The following SEC63 variants were observed in gnomAD, a reference collection of about 807,000 sequenced individuals.
SEC63 encodes SEC63 protein translocation regulator.
In SEC63, 56 loss-of-function variants were observed where a neutral mutation model predicts 116.2. That is an observed-to-expected ratio of 0.48 (90% CI 0.39 to 0.60). SEC63 has a LOEUF of 0.60. Ranked by LOEUF, SEC63 falls within the 20% of genes least tolerant of loss-of-function variation. The probability of loss-of-function intolerance (pLI) is 0.00; values close to 1 mark genes in which losing one functional copy is unlikely to be tolerated. For missense variants in SEC63, 668 were observed against 900.0 expected (o/e 0.74, Z 3.30); for synonymous variants, 273 against 294.6 (o/e 0.93, Z 0.75).
chr6:107,943,810 T>A (rs2114510145), intron 1 of SEC63, among the ~76,000 whole-genome samples: 1 of 152,304 alleles, frequency 6.6e-6, no homozygotes, highest in Non-Finnish European at 1.5e-5. Context: ...AACAGCAAAG[T>A]GATCAAAGAG....
At chr6:107,876,688 AAG>A in intron 18 of SEC63, 26 bp from the exon 19 acceptor site, 3 of 1,411,986 alleles carry the variant, frequency 2.1e-6, no homozygotes, top group Admixed American at 1.7e-5. Flanking sequence ...AAAAAAAAAA[AAG>A]AAGAGGGGTA....
intron 4 of SEC63, among the ~76,000 whole-genome samples, chr6:107,918,478 T>C (rs1180125146): frequency 6.6e-6 from 1 of 152,124 alleles, no homozygotes. Flanking sequence ...GCAGATCACC[T>C]GAGGTCAGGA....
chr6:107,902,733 T>C lies in SEC63; in HGVS notation c.1209+111A>G, dbSNP rs1021328087. 4.9e-6 allele frequency: 5 copies of C among 1,015,486 alleles called. No homozygotes were observed. In the East Asian group the frequency reaches 7.1e-5, roughly 14 times the overall value. The allele number at this position is 1,015,486 out of a possible 1,614,324, so 62.9% of individuals were successfully genotyped here. A position where few individuals can be genotyped will look rare whatever the true frequency, so the allele number is the denominator to read the frequency against. ...AGAAAGTTTTAGAGTATTTAAGACA[T>C]TCTAAATCTAAAAAATGCATAGTAA... On this transcript the variant is annotated intron_variant, in intron 12 of 20. Transcript: ENST00000369002.
chr6:107,888,129 G>A (rs1281383539), intron 16 of SEC63, among the ~76,000 whole-genome samples: 2 of 152,282 alleles, frequency 1.3e-5, no homozygotes, highest in Middle Eastern at 3.4e-3. Context: ...ATTCTGTGAA[G>A]AAAGTCAATG....
chr6:107,909,020 G>C lies in SEC63; in HGVS notation c.640C>G (p.Arg214Gly). The C allele has an allele frequency of 6.2e-7, 1 of 1,610,690 alleles. No homozygotes were observed. The highest frequency in any genetic ancestry group is 8.5e-7 in the Non-Finnish European group (1 of 1,177,372). Reference protein sequence around the residue: ...LPVVVGSWWYRSIRYSGDQIL... With the variant: ...LPVVVGSWWYGSIRYSGDQIL... ...TGGTCTCCACTATAGCGTATTGAGCGATACCACCAAGAGCCCTAAAACACA... is the reference window on the plus strand; with the variant it reads ...TGGTCTCCACTATAGCGTATTGAGCCATACCACCAAGAGCCCTAAAACACA... The change falls in exon 8 of 21, where the codon CGC (arginine) becomes GGC (glycine). Residue 214 changes from arginine to glycine, a missense_variant. By Grantham distance (125) the Arg-to-Gly change is moderately radical (BLOSUM62 -2). Around this residue, in one of 5 missense-constraint regions of SEC63, gnomAD observed 430 missense variants for 557.5 expected, o/e 0.77. Coordinates refer to ENST00000369002, the MANE Select transcript of SEC63 (RefSeq NM_007214.5).
intron 1 of SEC63, among the ~76,000 whole-genome samples, chr6:107,940,163 T>A (rs1239668366): frequency 6.6e-6 from 1 of 151,472 alleles, no homozygotes; most frequent in Non-Finnish European, 1.5e-5. Context: ...AGAAGGCAAC[T>A]GAAAATGTTC....
At chr6:107,945,506 A>C (rs1326536339) in intron 1 of SEC63, among the ~76,000 whole-genome samples, 1 of 151,628 alleles carries the variant, frequency 6.6e-6, no homozygotes, top group Non-Finnish European at 1.5e-5. Flanking sequence ...GGGGCTCACT[A>C]TGTTGGCCAG....
intron 3 of SEC63, among the ~76,000 whole-genome samples, chr6:107,922,807 G>C (rs569252290): frequency 6.6e-6 from 1 of 150,796 alleles, no homozygotes; most frequent in South Asian, 2.1e-4. Context: ...CAGAAAACTA[G>C]ATGATACACA....
At chr6:107,892,378 T>C (rs1786703744) in intron 16 of SEC63, among the ~76,000 whole-genome samples, 1 of 152,204 alleles carries the variant, frequency 6.6e-6, no homozygotes, top group African/African-American at 2.4e-5. Flanking sequence ...AAGTGGTTCG[T>C]ATCCCCTACC....
intron 19 of SEC63, among the ~76,000 whole-genome samples, chr6:107,874,595 C>CAAAAAAAA (rs35096526): frequency 1.5e-5 from 1 of 64,598 alleles, no homozygotes; most frequent in African/African-American, 6.2e-5. Flanking sequence ...GACTCTGTCT[C>CAAAAAAAA]AAAAAAAAAA....
chr6:107,917,873 A>ACC (rs1787448224), intron 4 of SEC63, among the ~76,000 whole-genome samples: 2 of 152,240 alleles, frequency 1.3e-5, no homozygotes, highest in Non-Finnish European at 2.9e-5. Flanking sequence ...GCTGATTTGG[A>ACC]AGCTGCAGCA....
rs542731884 is a variant in SEC63, at chr6:107,869,565, G to A, written c.*2139C>T. On this transcript the variant is annotated 3_prime_UTR_variant, in exon 21 of 21. Transcript: ENST00000369002. ...GATAGTTTGTTATTCTCATTCCAGA[G>A]GAAAAACGAAGGGATGTGGAGTTTA... 4 of 152,168 alleles carry A rather than the reference G, an allele frequency of 2.6e-5. No individual in the cohort carries two copies. The highest frequency in any genetic ancestry group is 4.4e-5 in the Non-Finnish European group (3 of 67,998). The allele number at this position is 152,168 out of a possible 1,614,324, so 9.4% of individuals were successfully genotyped here.
At chr6:107,901,254 A>C in intron 13 of SEC63, 116 bp downstream of exon 13, 1 of 1,040,288 alleles carries the variant, frequency 9.6e-7, no homozygotes, top group Non-Finnish European at 1.5e-6. Context: ...CAGTTCTGCA[A>C]AGTCTAATAA....
chr6:107,904,759 A>G (rs1321449136), intron 10 of SEC63, 38 bp from the exon 11 acceptor site: 3 of 1,440,844 alleles, frequency 2.1e-6, no homozygotes, highest in Non-Finnish European at 2.9e-6. Context: ...GATCATTTTA[A>G]TTTTACAGTT....
In SEC63 at chr6:107,941,371, T is replaced by C. The variant is rs183564300; in HGVS notation, c.125-11857A>G. 4.2e-3 allele frequency among the ~76,000 whole-genome samples: 631 copies of C among 152,034 alleles called. 15 individuals carry two copies. Among genetic ancestry groups the C allele is most frequent in the Admixed American group, 0.035 (540 of 15,258 alleles). ...CACACACACCCATAGTCCAGCTACA[T>C]AGTCCTACTACTTAGAAGCTTCCTC... On this transcript the variant is annotated intron_variant, in intron 1 of 20. Transcript: ENST00000369002.
intron 1 of SEC63, among the ~76,000 whole-genome samples, chr6:107,953,919 G>A (rs1226267102): frequency 6.6e-6 from 1 of 152,018 alleles, no homozygotes; most frequent in African/African-American, 2.4e-5. Flanking sequence ...GCCCCTACTG[G>A]GACGTGAGGA....
chr6:107,871,870 G>C (rs1383893071), intron 20 of SEC63, 23 bp from the exon 21 acceptor site: 1 of 1,612,010 alleles, frequency 6.2e-7, no homozygotes, highest in Admixed American at 1.7e-5. Context: ...ATTAAATGTA[G>C]ACATCAGAAA....
At position 107,870,000 on chromosome 6, in the gene SEC63, G is replaced by C. The variant is rs1242164173; in HGVS notation, c.*1704C>G. 1 of 151,932 alleles carries C rather than the reference G, an allele frequency of 6.6e-6. No homozygotes were observed. The highest frequency in any genetic ancestry group is 2.4e-5 in the African/African-American group (1 of 41,278). 9.4% of individuals were successfully genotyped at this position (151,932 alleles called of 1,614,324 possible). A position where few individuals can be genotyped will look rare whatever the true frequency, so the allele number is the denominator to read the frequency against. ...TTGTCTGCTCAGTTTCCTTGCCTTC[G>C]TGCCACACCTGTTTTCTCTAATCCC... On this transcript the variant is annotated 3_prime_UTR_variant, in exon 21 of 21. Transcript: ENST00000369002.
At chr6:107,895,035 G>A (rs976305087) in intron 14 of SEC63, among the ~76,000 whole-genome samples, 1 of 152,182 alleles carries the variant, frequency 6.6e-6, no homozygotes. Context: ...CCACTCCCTA[G>A]TCTAATTATA....
Sources: gnomAD v4.1 joint callset for allele counts (sites outside exome capture counted in the v4.1 genomes callset) on GRCh38, gnomAD v4.1.1 for gene constraint, gnomAD v4.1.1 regional missense constraint, MANE v1.5 for transcripts, NCBI Gene and HGNC (gene_info 2026-07-23, HGNC 2026-07-21) for gene names.